The following ANKRD30A variants were observed in gnomAD, a reference collection of about 807,000 sequenced individuals.
The protein encoded by ANKRD30A is ankyrin repeat domain-containing protein 30A.
A neutral mutation model predicts 166.3 loss-of-function variants in ANKRD30A; 170 were observed. The ratio of observed to expected loss-of-function variants is 1.02; its 90% CI spans 0.90 to 1.16. ANKRD30A has a LOEUF of 1.16. Ranked by LOEUF, ANKRD30A falls within the 50% of genes most tolerant of loss-of-function variation. The pLI is 0.00. For missense variants in ANKRD30A, 1,630 were observed against 1,518.0 expected, an observed-to-expected ratio of 1.07 and a Z score of -1.23; for synonymous variants, 564 against 508.9, an observed-to-expected ratio of 1.11 and a Z score of -1.46.
At chr10:37,146,331 G>A (rs1163212959) in intron 8 of ANKRD30A, among the ~76,000 whole-genome samples, 1 of 152,200 alleles carries the variant, frequency 6.6e-6, no homozygotes, top group South Asian at 2.1e-4. Flanking sequence ...CTTCTACAAT[G>A]TTCTGAGTGC....
the ANKRD30A span, among the ~76,000 whole-genome samples, chr10:37,263,173 G>A: frequency 6.6e-6 from 1 of 150,630 alleles, no homozygotes; most frequent in South Asian, 2.1e-4. Context: ...GTCATGACCT[G>A]CCTGATATTT....
intron 18 of ANKRD30A, among the ~76,000 whole-genome samples, chr10:37,165,682 G>C (rs575878844): frequency 1.2e-4 from 19 of 152,218 alleles, no homozygotes; most frequent in South Asian, 1.2e-3. Context: ...AGGAAACCTT[G>C]TGGGAGTATA....
chr10:37,198,252 C>A (rs1379242217), intron 29 of ANKRD30A, among the ~76,000 whole-genome samples: 4 of 151,862 alleles, frequency 2.6e-5, no homozygotes, highest in Non-Finnish European at 5.9e-5. Flanking sequence ...TTTTCAACTT[C>A]TAATATGTAG....
intron 17 of ANKRD30A, 136 bp from the exon 18 acceptor site, chr10:37,164,958 T>C: frequency 1.1e-6 from 1 of 873,142 alleles, no homozygotes; most frequent in South Asian, 1.5e-5. Flanking sequence ...AAGTAGTCAT[T>C]GTAATCAACA....
the ANKRD30A span, among the ~76,000 whole-genome samples, chr10:37,250,551 C>T: frequency 6.6e-6 from 1 of 151,986 alleles, no homozygotes; most frequent in Admixed American, 6.6e-5. Context: ...GCTCCCAGAC[C>T]CCGACATTTT....
At chr10:37,211,576 T>G (rs1047498180) in intron 31 of ANKRD30A, among the ~76,000 whole-genome samples, 14 of 152,286 alleles carry the variant, frequency 9.2e-5, no homozygotes, top group Admixed American at 3.3e-4. Context: ...CTATTGTGAA[T>G]AGTGCTGCAA....
the ANKRD30A span, among the ~76,000 whole-genome samples, chr10:37,251,870 A>G: frequency 6.6e-6 from 1 of 152,144 alleles, no homozygotes; most frequent in Admixed American, 6.6e-5. Flanking sequence ...GAATTTTTCC[A>G]CTCAAGCAAT....
the ANKRD30A span, among the ~76,000 whole-genome samples, chr10:37,244,740 C>T: frequency 1.3e-5 from 2 of 152,192 alleles, no homozygotes; most frequent in South Asian, 4.1e-4. Flanking sequence ...GCTAGGCTGT[C>T]CTTCTCCATC....
rs1482701987 is a variant in ANKRD30A, at chr10:37,191,263, A to ATTCC, written c.2512+1707_2512+1708insTCCT. On this transcript the variant is annotated intron_variant, in intron 25 of 35. Transcript: ENST00000361713. ...AAATGTTGGCATACTATTCCAGTAT[A>ATTCC]TGGGTATGAAAATCAAGGAATATTT... Among the ~76,000 whole-genome samples, 193 of 152,020 alleles carry ATTCC rather than the reference A, an allele frequency of 1.3e-3. 6 individuals carry two copies. Among genetic ancestry groups the ATTCC allele is most frequent in the African/African-American group, 4.6e-3 (190 of 41,404 alleles).
At chr10:37,159,391 G>A (rs565707520) in intron 15 of ANKRD30A, among the ~76,000 whole-genome samples, 15 of 152,240 alleles carry the variant, frequency 9.9e-5, no homozygotes, top group African/African-American at 3.6e-4. Flanking sequence ...GATGGTGGGT[G>A]CCTGTCATCT....
Position 37,142,270 on chromosome 10 carries a change from C to T in ANKRD30A, c.1373C>T (p.Ser458Phe). Residue 458 changes from serine (S) to phenylalanine (F), a missense_variant, in exon 7 of 36, where the codon TCT becomes TTT. Physicochemically the swap from Ser to Phe is radical, Grantham distance 155 (BLOSUM62 -2). This residue lies in a region of ANKRD30A where 904 missense variants were observed against 818.5 expected (regional missense o/e 1.10). Coordinates refer to ENST00000361713, the MANE Select transcript of ANKRD30A (RefSeq NM_052997.3). ...KMIACPTKES[S>F]TKASANDQRF... ...ATTGCATGTCCTACAAAAGAATCATCTACAAAAGCAAGTGCCAATGGTAAG... is the reference window on the plus strand; with the variant it reads ...ATTGCATGTCCTACAAAAGAATCATTTACAAAAGCAAGTGCCAATGGTAAG... 6.3e-7 allele frequency: 1 copy of T among 1,594,280 alleles called. No homozygotes were observed. Among genetic ancestry groups the T allele is most frequent in the African/African-American group, 1.4e-5 (1 of 73,462 alleles).
intron 27 of ANKRD30A, 123 bp from the exon 28 acceptor site, chr10:37,197,158 A>G: frequency 7.2e-7 from 1 of 1,381,698 alleles, no homozygotes; most frequent in Non-Finnish European, 1.0e-6. Flanking sequence ...AAACTTTCCA[A>G]ATCTAAAGTA....
intron 6 of ANKRD30A, among the ~76,000 whole-genome samples, chr10:37,137,914 A>G (rs1198634971): frequency 2.0e-5 from 3 of 152,174 alleles, no homozygotes; most frequent in African/African-American, 7.2e-5. Flanking sequence ...AGATCTGAGA[A>G]CGGACAGACT....
intron 7 of ANKRD30A, among the ~76,000 whole-genome samples, chr10:37,143,915 CTTTT>C (rs34646779): frequency 7.6e-6 from 1 of 132,132 alleles, no homozygotes; most frequent in African/African-American, 2.8e-5. Flanking sequence ...ATGCTATAGT[CTTTT>C]TTTTTTTTTT....
At chr10:37,210,160 T>G (rs1842211028) in intron 31 of ANKRD30A, among the ~76,000 whole-genome samples, 1 of 152,016 alleles carries the variant, frequency 6.6e-6, no homozygotes, top group African/African-American at 2.4e-5. Context: ...CCCCTCCCTG[T>G]GTCCATATGT....
intron 6 of ANKRD30A, among the ~76,000 whole-genome samples, chr10:37,138,664 A>G (rs1307608456): frequency 6.6e-6 from 1 of 152,192 alleles, no homozygotes; most frequent in Non-Finnish European, 1.5e-5. Flanking sequence ...AAGTGAGAAG[A>G]GAAGTTTAGA....
chr10:37,207,293 G>T (rs1842051477), intron 31 of ANKRD30A, among the ~76,000 whole-genome samples: 1 of 152,108 alleles, frequency 6.6e-6, no homozygotes, highest in African/African-American at 2.4e-5. Flanking sequence ...TATGATGAAT[G>T]TTTGTAGTTT....
chr10:37,265,155 C>G, the ANKRD30A span, among the ~76,000 whole-genome samples: 1 of 152,314 alleles, frequency 6.6e-6, no homozygotes, highest in East Asian at 1.9e-4. Flanking sequence ...GGTCTTTATA[C>G]TCACTTGAAT....
intron 6 of ANKRD30A, among the ~76,000 whole-genome samples, chr10:37,139,300 A>C (rs1027639022): frequency 5.3e-5 from 8 of 152,238 alleles, no homozygotes; most frequent in Non-Finnish European, 1.0e-4. Context: ...AGCTGATTAC[A>C]GACACCAAGG....
Sources: gnomAD v4.1 joint callset for allele counts (sites outside exome capture counted in the v4.1 genomes callset) on GRCh38, gnomAD v4.1.1 for gene constraint, gnomAD v4.1.1 regional missense constraint, MANE v1.5 for transcripts, NCBI Gene and HGNC (gene_info 2026-07-23, HGNC 2026-07-21) for gene names.